Variants in FAT3 observed in about 807,000 individuals in gnomAD.
FAT3 encodes FAT atypical cadherin 3.
In FAT3, 95 loss-of-function variants were observed where a neutral mutation model predicts 310.2. That is an observed-to-expected ratio of 0.31 (90% CI 0.26 to 0.36). The LOEUF (loss-of-function observed/expected upper bound fraction) is 0.36, where lower values mean the gene tolerates loss of function less well. FAT3 is among the 10% of genes least tolerant of loss of function. The pLI is 1.00. For missense variants in FAT3, 5,408 were observed against 5,715.6 expected (o/e 0.95, Z 1.74); for synonymous variants, 2,314 against 2,192.9 (o/e 1.06, Z -1.54).
At chr11:92,677,303 C>T (rs189966779) in intron 3 of FAT3, among the ~76,000 whole-genome samples, 17 of 152,292 alleles carry the variant, frequency 1.1e-4, no homozygotes, top group African/African-American at 3.9e-4. Flanking sequence ...GAAGAATACA[C>T]CTGGGTAAAA....
chr11:92,265,565 G>A (rs2134319295), intron 1 of FAT3, among the ~76,000 whole-genome samples: 1 of 152,110 alleles, frequency 6.6e-6, no homozygotes, highest in East Asian at 1.9e-4. Context: ...AAGGTTGGGT[G>A]TCTTAGATCA....
At chr11:92,349,988 A>T (rs1478490397) in intron 1 of FAT3, among the ~76,000 whole-genome samples, 3 of 152,012 alleles carry the variant, frequency 2.0e-5, no homozygotes, top group African/African-American at 7.2e-5. Context: ...TGAAAAAAAA[A>T]AAAAAAGAAA....
At chr11:92,874,225 A>G (rs1313323666) in intron 22 of FAT3, among the ~76,000 whole-genome samples, 1 of 152,210 alleles carries the variant, frequency 6.6e-6, no homozygotes, top group Non-Finnish European at 1.5e-5. Context: ...TGATCAAAAA[A>G]TCCCTAGATA....
intron 2 of FAT3, among the ~76,000 whole-genome samples, chr11:92,402,788 C>A (rs1591235079): frequency 6.8e-6 from 1 of 146,730 alleles, no homozygotes; most frequent in Admixed American, 6.8e-5. Context: ...ATAATAGACA[C>A]AAAACCATAA....
chr11:92,542,282 G>A (rs1193362950), intron 3 of FAT3, among the ~76,000 whole-genome samples: 2 of 151,978 alleles, frequency 1.3e-5, no homozygotes, highest in Non-Finnish European at 2.9e-5. Flanking sequence ...TTTGGGCAAA[G>A]AATTTTTGGA....
At chr11:92,570,039 G>T (rs1955615534) in intron 3 of FAT3, among the ~76,000 whole-genome samples, 1 of 152,124 alleles carries the variant, frequency 6.6e-6, no homozygotes, top group African/African-American at 2.4e-5. Context: ...AATTTTGGTT[G>T]GTGATGAGAA....
At chr11:92,490,213 T>C (rs1015419181) in intron 2 of FAT3, among the ~76,000 whole-genome samples, 3 of 152,176 alleles carry the variant, frequency 2.0e-5, no homozygotes, top group African/African-American at 7.2e-5. Context: ...CTAATGATGA[T>C]AGCCATCGGC....
intron 3 of FAT3, among the ~76,000 whole-genome samples, chr11:92,676,971 G>C (rs1943306327): frequency 2.0e-5 from 3 of 152,158 alleles, no homozygotes. Context: ...TGAATATCAG[G>C]TTGAGTTGGG....
chr11:92,786,927 T>C (rs2136148133), intron 7 of FAT3, among the ~76,000 whole-genome samples: 1 of 152,356 alleles, frequency 6.6e-6, no homozygotes, highest in African/African-American at 2.4e-5. Context: ...TTCTGTGGCA[T>C]TATCTTCAGG....
rs946870537 is a variant in FAT3, at chr11:92,761,944, A to G, written c.3758A>G (p.Gln1253Arg). The G allele has an allele frequency of 6.2e-7, 1 of 1,614,008 alleles. No homozygotes were observed. The change falls in exon 5 of 28, where the codon CAG becomes CGG. Residue 1253 changes from glutamine (Q) to arginine (R), a missense_variant. Physicochemically the swap from Gln to Arg is conservative, Grantham distance 43. Around this residue, in one of 5 missense-constraint regions of FAT3, gnomAD observed 4,588 missense variants for 4,809.8 expected, o/e 0.95. Coordinates refer to ENST00000525166, the MANE Select transcript of FAT3 (RefSeq NM_001367949.2). ...CTAGATGAAAATGACAACAAGCCCCAGTTCCCAGAGAAGGTCTACCAGATC... is the reference window on the plus strand; with the variant it reads ...CTAGATGAAAATGACAACAAGCCCCGGTTCCCAGAGAAGGTCTACCAGATC... Reference protein sequence around the residue: ...QVLDENDNKPQFPEKVYQIKL... With the variant: ...QVLDENDNKPRFPEKVYQIKL...
At chr11:92,773,580 G>T (rs1272763156) in intron 6 of FAT3, among the ~76,000 whole-genome samples, 1 of 151,938 alleles carries the variant, frequency 6.6e-6, no homozygotes, top group Non-Finnish European at 1.5e-5. Flanking sequence ...CTGAATTCTA[G>T]CAGCCAAATG....
chr11:92,320,836 C>A (rs1263741194), intron 1 of FAT3, among the ~76,000 whole-genome samples: 2 of 151,186 alleles, frequency 1.3e-5, no homozygotes, highest in African/African-American at 4.9e-5. Flanking sequence ...CGCCATTGCA[C>A]TCCAGCCTGG....
At chr11:92,466,307 A>G (rs980936848) in intron 2 of FAT3, among the ~76,000 whole-genome samples, 3 of 152,200 alleles carry the variant, frequency 2.0e-5, no homozygotes, top group Non-Finnish European at 4.4e-5. Context: ...GATGATTATT[A>G]CTATTAACAA....
Position 92,840,617 on chromosome 11 carries a change from C to G in FAT3, c.10424C>G (p.Ser3475Cys). Residue 3475 changes from serine to cysteine, a missense_variant, in exon 18 of 28, where the codon TCC becomes TGC. By Grantham distance (112) the Ser-to-Cys change is moderately radical. Transcript: ENST00000525166. ...ILQLVVTDRD[S>C]FHNGPPFSFS... ...CAGCTGGTGGTGACAGACAGAGACTCCTTTCACAATGGGCCTCCCTTTTCA... is the reference window on the plus strand; with the variant it reads ...CAGCTGGTGGTGACAGACAGAGACTGCTTTCACAATGGGCCTCCCTTTTCA... The G allele has an allele frequency of 6.2e-7, 1 of 1,611,422 alleles. No homozygotes were observed. Among genetic ancestry groups the G allele is most frequent in the Non-Finnish European group, 8.5e-7 (1 of 1,177,758 alleles).
intron 3 of FAT3, among the ~76,000 whole-genome samples, chr11:92,553,252 T>G (rs530532308): frequency 6.6e-6 from 1 of 152,340 alleles, no homozygotes; most frequent in East Asian, 1.9e-4. Flanking sequence ...CACATCTTGT[T>G]CATATATAAG....
At position 92,882,868 on chromosome 11, in the gene FAT3, G is replaced by T. The variant is rs199692570; in HGVS notation, c.12412G>T (p.Val4138Leu). 1 of 1,612,190 alleles carries T rather than the reference G, an allele frequency of 6.2e-7. No homozygotes were observed. Among genetic ancestry groups the T allele is most frequent in the Non-Finnish European group, 8.5e-7 (1 of 1,179,394 alleles). ...GGGCCAGTACTGCGGGCTGCGCCCCGTGGTGGTACCCAATATCCAGGCTGG... is the reference window on the plus strand; with the variant it reads ...GGGCCAGTACTGCGGGCTGCGCCCCTTGGTGGTACCCAATATCCAGGCTGG... ...YVGQYCGLRP[V>L]VVPNIQAGHS... The change falls in exon 24 of 28, where the codon GTG becomes TTG. Residue 4138 changes from valine (V) to leucine (L), a missense_variant. Around this residue, in one of 5 missense-constraint regions of FAT3, gnomAD observed 649 missense variants for 666.2 expected, o/e 0.97. Transcript: ENST00000525166.
intron 2 of FAT3, among the ~76,000 whole-genome samples, chr11:92,455,754 C>G (rs1466597234): frequency 6.6e-6 from 1 of 152,144 alleles, no homozygotes; most frequent in African/African-American, 2.4e-5. Flanking sequence ...CTCTCACTGT[C>G]CTTATTTACA....
intron 3 of FAT3, among the ~76,000 whole-genome samples, chr11:92,582,297 G>A (rs1167979691): frequency 6.6e-6 from 1 of 151,750 alleles, no homozygotes; most frequent in Non-Finnish European, 1.5e-5. Flanking sequence ...TAACTGTCAG[G>A]GAATGCAGTC....
chr11:92,772,014 A>G (rs1190581990), intron 6 of FAT3, among the ~76,000 whole-genome samples: 1 of 152,168 alleles, frequency 6.6e-6, no homozygotes, highest in African/African-American at 2.4e-5. Flanking sequence ...TTTATTTTTA[A>G]TCATCTTTAA....
Sources: allele counts gnomAD v4.1 joint callset (sites outside exome capture counted in the v4.1 genomes callset), GRCh38; gene constraint gnomAD v4.1.1; regional missense constraint gnomAD v4.1.1; transcripts MANE v1.5; gene names NCBI Gene and HGNC (gene_info 2026-07-23, HGNC 2026-07-21).